Variants in ABHD12 observed in about 807,000 individuals in gnomAD.
ABHD12 encodes lysophosphatidylserine lipase ABHD12.
ABHD12 carries 43 observed loss-of-function variants against 58.3 expected under a neutral mutation model. The observed-to-expected ratio is 0.74, with a 90% CI of 0.58 to 0.95. The LOEUF is 0.95. Ranked by LOEUF, ABHD12 falls within the 40% of genes least tolerant of loss-of-function variation. ABHD12 has a pLI of 0.00. For missense variants in ABHD12, 539 were observed against 537.2 expected (o/e 1.00, Z -0.03); for synonymous variants, 219 against 211.2 (o/e 1.04, Z -0.32).
intron 6 of ABHD12, among the ~76,000 whole-genome samples, chr20:25,310,040 G>A (rs969302916): frequency 6.6e-6 from 1 of 152,286 alleles, no homozygotes; most frequent in African/African-American, 2.4e-5. Flanking sequence ...AGCTAGTGAG[G>A]TCTAAGGCAG....
chr20:25,345,295 T>C (rs954360505), intron 1 of ABHD12, among the ~76,000 whole-genome samples: 2 of 152,078 alleles, frequency 1.3e-5, no homozygotes, highest in African/African-American at 4.8e-5. Flanking sequence ...CCGTGTTAGC[T>C]AGGATGGTCT....
chr20:25,343,717 C>T (rs1024676304), intron 1 of ABHD12, among the ~76,000 whole-genome samples: 1 of 152,108 alleles, frequency 6.6e-6, no homozygotes, highest in African/African-American at 2.4e-5. Flanking sequence ...AGCAGGAGAA[C>T]CTGGGAGGCG....
At chr20:25,356,641 G>A (rs533687331) in intron 1 of ABHD12, among the ~76,000 whole-genome samples, 1 of 152,332 alleles carries the variant, frequency 6.6e-6, no homozygotes, top group Admixed American at 6.5e-5. Context: ...AGAGAGGGCT[G>A]GGCCCTCAGT....
At chr20:25,316,403 C>T (rs1454990219) in intron 5 of ABHD12, among the ~76,000 whole-genome samples, 1 of 152,196 alleles carries the variant, frequency 6.6e-6, no homozygotes, top group African/African-American at 2.4e-5. Flanking sequence ...TTGTGATCCA[C>T]CCATCTTGGC....
chr20:25,330,517 A>C (rs2089254565), intron 2 of ABHD12, among the ~76,000 whole-genome samples: 1 of 152,272 alleles, frequency 6.6e-6, no homozygotes, highest in South Asian at 2.1e-4. Context: ...GGCAGGGCAC[A>C]GACAAAGAAA....
intron 12 of ABHD12, among the ~76,000 whole-genome samples, chr20:25,301,765 T>G (rs1341252651): frequency 6.6e-6 from 1 of 152,236 alleles, no homozygotes; most frequent in Non-Finnish European, 1.5e-5. Flanking sequence ...TACTCATGGC[T>G]CTCTGGGCTG....
intron 11 of ABHD12, 148 bp downstream of exon 11, chr20:25,303,402 G>T: frequency 2.0e-6 from 3 of 1,523,680 alleles, no homozygotes; most frequent in Non-Finnish European, 2.6e-6. Flanking sequence ...AGGATGAGGT[G>T]GCCTCCTGAG....
In ABHD12 at chr20:25,301,027, A is replaced by G. The variant is rs1030480256; in HGVS notation, c.1158-143T>C. 3 of 847,518 alleles carry G rather than the reference A, an allele frequency of 3.5e-6. No homozygotes were observed. In the African/African-American group the frequency reaches 5.0e-5, roughly 14 times the overall value. 52.5% of individuals were successfully genotyped at this position (847,518 alleles called of 1,614,324 possible). ...GCCCCATGAGGATGCGCTGTAGCCC[A>G]GAGCAGCACTCAGTGAGTTAGGCAG... On this transcript the variant is annotated intron_variant, in intron 12 of 12. Coordinates refer to ENST00000339157, the MANE Select transcript of ABHD12 (RefSeq NM_001042472.3).
intron 2 of ABHD12, among the ~76,000 whole-genome samples, chr20:25,329,625 T>C (rs771957039): frequency 6.6e-6 from 1 of 152,196 alleles, no homozygotes; most frequent in Non-Finnish European, 1.5e-5. Flanking sequence ...AAATATTTGT[T>C]GCGGGAAAGG....
In ABHD12 at chr20:25,303,300, A is replaced by G. The variant is rs745738913; in HGVS notation, c.1029+250T>C. The G allele has an allele frequency of 8.3e-6, 11 of 1,329,078 alleles. No homozygotes were observed. The Middle Eastern group carries it at 8.7e-4, about 105-fold the overall frequency. The allele number at this position is 1,329,078 out of a possible 1,614,324, so 82.3% of individuals were successfully genotyped here. A position where few individuals can be genotyped will look rare whatever the true frequency, so the allele number is the denominator to read the frequency against. On this transcript the variant is annotated intron_variant, in intron 11 of 12. Transcript: ENST00000339157. ...ACTGGGAACTATCTGCTTATTTTTC[A>G]TATTCTTGGAGACAGCATCAGTGGG...
chr20:25,303,636 AG>A lies in ABHD12; in HGVS notation c.951-9del, dbSNP rs373008013. The A allele has an allele frequency of 5.6e-6, 9 of 1,613,326 alleles. No homozygotes were observed. The African/African-American group carries it at 1.1e-4, about 19-fold the overall frequency. On this transcript the variant is annotated splice_polypyrimidine_tract_variant and intron_variant, in intron 10 of 12. Transcript: ENST00000339157. ...CAGGAGATGTGCTTCACGCTGTAGG[AG>A]GGAGAAGGGGCTAGACCAAGACCAG...
At position 25,309,539 on chromosome 20, in the gene ABHD12, C is replaced by A. The variant is rs900106828; in HGVS notation, c.656G>T (p.Gly219Val). The A allele has an allele frequency of 6.2e-7, 1 of 1,614,190 alleles. No homozygotes were observed. Among genetic ancestry groups the A allele is most frequent in the Non-Finnish European group, 8.5e-7 (1 of 1,180,018 alleles). Residue 219 changes from glycine to valine, a missense_variant, in exon 7 of 13, where the codon GGC becomes GTC. Coordinates refer to ENST00000339157, the MANE Select transcript of ABHD12 (RefSeq NM_001042472.3). ...GDSVGTPSERGMTYDALHVFD... is the reference protein window; with the variant it reads ...GDSVGTPSERVMTYDALHVFD... Reference sequence around the variant, plus strand: ...AACGTGGAGTGCGTCATAGGTCATGCCCCGCTCAGATGGCGTTCCCACTGA... The same window carrying A: ...AACGTGGAGTGCGTCATAGGTCATGACCCGCTCAGATGGCGTTCCCACTGA...
intron 2 of ABHD12, among the ~76,000 whole-genome samples, chr20:25,325,576 G>A (rs748657986): frequency 2.4e-4 from 36 of 152,292 alleles, no homozygotes; most frequent in South Asian, 4.1e-4. Flanking sequence ...AGATGGAGAA[G>A]ATGGAGGCAG....
downstream of ABHD12, chr20:25,297,833 G>A (rs1172951207): frequency 6.6e-6 from 1 of 152,118 alleles, no homozygotes; most frequent in Non-Finnish European, 1.5e-5. Flanking sequence ...TATTGAGTGG[G>A]GCAAGTGCTG....
intron 1 of ABHD12, 41 bp from the exon 2 acceptor site, chr20:25,339,392 T>C: frequency 6.2e-7 from 1 of 1,613,734 alleles, no homozygotes; most frequent in South Asian, 1.1e-5. Context: ...AGGCAGTAGG[T>C]GCCATTTTGC....
intron 1 of ABHD12, among the ~76,000 whole-genome samples, chr20:25,381,075 C>T (rs1029104829): frequency 3.3e-5 from 5 of 152,160 alleles, no homozygotes; most frequent in African/African-American, 1.2e-4. Flanking sequence ...ATGACCCTGG[C>T]AGCCCCTAGC....
At position 25,309,481 on chromosome 20, in the gene ABHD12, G is replaced by C; in HGVS notation, c.714C>G (p.Asn238Lys). ...GAGAGTGGCCCCAGATGTACACGGG[G>C]TTGTCACCACTTCTTGCTTTGATCC... ...FDWIKARSGD[N>K]PVYIWGHSLG... The change falls in exon 7 of 13, where the codon AAC (asparagine) becomes AAG (lysine). Residue 238 changes from asparagine (N) to lysine (K), a missense_variant. Physicochemically the swap from Asn to Lys is moderately conservative, Grantham distance 94. Transcript: ENST00000339157. 1 of 1,614,192 alleles carries C rather than the reference G, an allele frequency of 6.2e-7. No individual in the cohort carries two copies. Among genetic ancestry groups the C allele is most frequent in the Non-Finnish European group, 8.5e-7 (1 of 1,180,018 alleles).
At chr20:25,366,927 T>G (rs6050565) in intron 1 of ABHD12, among the ~76,000 whole-genome samples, 82,176 of 151,956 alleles carry the variant, frequency 0.54, 22,808 homozygotes, top group Admixed American at 0.61. Context: ...CTCTTCTTTT[T>G]CCAGAGGCTC....
Position 25,356,330 on chromosome 20 carries a change from G to A in ABHD12, c.192-16979C>T, listed in dbSNP as rs1185940865. ...AATAAACACTCAGTGCCTGCAAGAGGCTTTTCTATCAGCTCAGCCAGGCAG... is the reference window on the plus strand; with the variant it reads ...AATAAACACTCAGTGCCTGCAAGAGACTTTTCTATCAGCTCAGCCAGGCAG... On this transcript the variant is annotated intron_variant, in intron 1 of 12. Transcript: ENST00000339157. 2.0e-5 allele frequency among the ~76,000 whole-genome samples: 3 copies of A among 152,232 alleles called. No homozygotes were observed. The East Asian group carries it at 5.8e-4, about 29-fold the overall frequency.
Sources: gnomAD v4.1 joint callset for allele counts (sites outside exome capture counted in the v4.1 genomes callset) on GRCh38, gnomAD v4.1.1 for gene constraint, MANE v1.5 for transcripts, NCBI Gene and HGNC (gene_info 2026-07-23, HGNC 2026-07-21) for gene names.